Variants in TMEM117 observed in about 807,000 individuals in gnomAD.
The protein encoded by TMEM117 is transmembrane protein 117.
TMEM117 carries 27 observed loss-of-function variants against 52.4 expected under a neutral mutation model. That is an observed-to-expected ratio of 0.51 (90% CI 0.38 to 0.71). The LOEUF is 0.71. Among genes scored for constraint, TMEM117 ranks in the 30% least tolerant of loss-of-function variants. The pLI, the probability that TMEM117 is intolerant of heterozygous loss-of-function variation, is 0.00. For missense variants in TMEM117, 556 were observed against 630.5 expected (o/e 0.88, Z 1.26); for synonymous variants, 215 against 206.3 (o/e 1.04, Z -0.36).
chr12:44,134,260 C>T (rs1179476997), intron 3 of TMEM117, among the ~76,000 whole-genome samples: 2 of 152,170 alleles, frequency 1.3e-5, no homozygotes, highest in Non-Finnish European at 2.9e-5. Context: ...GTTGCCCAGG[C>T]TTGAGTGCAG....
the TMEM117 span, among the ~76,000 whole-genome samples, chr12:43,821,207 A>G: frequency 6.6e-6 from 1 of 152,214 alleles, no homozygotes. Flanking sequence ...GACTAAGCAA[A>G]TATTTTTTAA....
At chr12:43,890,678 T>TCCG (rs1592337482) in intron 2 of TMEM117, among the ~76,000 whole-genome samples, 1 of 152,042 alleles carries the variant, frequency 6.6e-6, no homozygotes, top group East Asian at 1.9e-4. Flanking sequence ...ATTACAGGCA[T>TCCG]CCGCCACCAC....
At chr12:44,322,169 C>G (rs961604833) in intron 6 of TMEM117, among the ~76,000 whole-genome samples, 3 of 152,196 alleles carry the variant, frequency 2.0e-5, no homozygotes, top group Admixed American at 6.5e-5. Flanking sequence ...CCAACCAGCT[C>G]TGTCCATGGA....
At chr12:44,219,418 G>C (rs1369254503) in intron 5 of TMEM117, among the ~76,000 whole-genome samples, 2 of 152,120 alleles carry the variant, frequency 1.3e-5, no homozygotes, top group Non-Finnish European at 2.9e-5. Context: ...AGAACATTCT[G>C]TGTAGTTTAA....
At chr12:44,013,105 C>T (rs890781247) in intron 3 of TMEM117, among the ~76,000 whole-genome samples, 5 of 151,850 alleles carry the variant, frequency 3.3e-5, no homozygotes, top group Admixed American at 6.6e-5. Flanking sequence ...GGCTTGCTGC[C>T]GCTGCCTTAA....
intron 4 of TMEM117, 131 bp from the exon 5 acceptor site, chr12:44,211,159 G>A (rs1199513394): frequency 6.1e-6 from 4 of 659,808 alleles, no homozygotes; most frequent in Non-Finnish European, 7.8e-6. Context: ...CCTAATTTTT[G>A]TTTCTGCATA....
At chr12:43,867,542 G>A (rs1943624574) in intron 2 of TMEM117, among the ~76,000 whole-genome samples, 1 of 152,114 alleles carries the variant, frequency 6.6e-6, no homozygotes, top group East Asian at 1.9e-4. Context: ...TTGTCAGACT[G>A]AATTTAAAAA....
intron 3 of TMEM117, among the ~76,000 whole-genome samples, chr12:43,962,234 C>A (rs1176661261): frequency 4.1e-4 from 63 of 152,268 alleles, no homozygotes. Context: ...AGAAGAGCAT[C>A]ACATTGGAAT....
At chr12:44,144,890 G>T (rs987473283) in intron 4 of TMEM117, among the ~76,000 whole-genome samples, 1 of 152,238 alleles carries the variant, frequency 6.6e-6, no homozygotes, top group African/African-American at 2.4e-5. Context: ...GGGCGCGGTG[G>T]CTCACGCCTG....
At chr12:44,286,496 G>GC (rs1950640848) in intron 5 of TMEM117, among the ~76,000 whole-genome samples, 1 of 152,056 alleles carries the variant, frequency 6.6e-6, no homozygotes, top group Non-Finnish European at 1.5e-5. Flanking sequence ...AAATGAGTCA[G>GC]CCCTTTGTGG....
chr12:44,274,935 A>G (rs894710787), intron 5 of TMEM117, among the ~76,000 whole-genome samples: 1 of 152,160 alleles, frequency 6.6e-6, no homozygotes, highest in Admixed American at 6.6e-5. Flanking sequence ...AAAGGCAACC[A>G]AAGGAAAAGT....
At chr12:44,168,636 T>C (rs1949002622) in intron 4 of TMEM117, among the ~76,000 whole-genome samples, 1 of 152,222 alleles carries the variant, frequency 6.6e-6, no homozygotes, top group African/African-American at 2.4e-5. Flanking sequence ...TTTTTTCATG[T>C]TATTTTCTTG....
intron 3 of TMEM117, 136 bp from the exon 4 acceptor site, chr12:44,143,389 T>A: frequency 1.9e-6 from 1 of 530,688 alleles, no homozygotes; most frequent in Non-Finnish European, 3.3e-6. Flanking sequence ...TCCAGATTTG[T>A]AAGCATATGT....
intron 3 of TMEM117, among the ~76,000 whole-genome samples, chr12:44,107,666 G>A (rs1947982660): frequency 6.6e-6 from 1 of 151,964 alleles, no homozygotes; most frequent in African/African-American, 2.4e-5. Flanking sequence ...ATATTTCAAT[G>A]GTATTTAATC....
At chr12:43,940,398 G>A (rs1945025176) in intron 2 of TMEM117, among the ~76,000 whole-genome samples, 1 of 152,142 alleles carries the variant, frequency 6.6e-6, no homozygotes, top group East Asian at 1.9e-4. Flanking sequence ...CTAGCAGTGA[G>A]GTAGAAAGGA....
At chr12:44,362,202 C>G (rs959301647) in intron 6 of TMEM117, among the ~76,000 whole-genome samples, 4 of 152,048 alleles carry the variant, frequency 2.6e-5, no homozygotes, top group Admixed American at 6.6e-5. Context: ...CCTGTCACTC[C>G]CACCAGACCT....
chr12:44,305,900 A>G (rs1950897191), intron 6 of TMEM117, among the ~76,000 whole-genome samples: 1 of 152,174 alleles, frequency 6.6e-6, no homozygotes, highest in Non-Finnish European at 1.5e-5. Flanking sequence ...TGGATCAGAT[A>G]AAGAAAATGT....
intron 2 of TMEM117, among the ~76,000 whole-genome samples, chr12:43,909,698 G>C (rs961733011): frequency 6.6e-6 from 1 of 151,826 alleles, no homozygotes; most frequent in Non-Finnish European, 1.5e-5. Flanking sequence ...AACTACCATC[G>C]GAGAATACTA....
At chr12:44,280,029 T>C (rs1224654755) in intron 5 of TMEM117, among the ~76,000 whole-genome samples, 13 of 152,208 alleles carry the variant, frequency 8.5e-5, no homozygotes, top group Admixed American at 7.9e-4. Context: ...TGTCTCTGAA[T>C]ACACCATAAA....
Sources: gnomAD v4.1 joint callset for allele counts (sites outside exome capture counted in the v4.1 genomes callset) on GRCh38, gnomAD v4.1.1 for gene constraint, MANE v1.5 for transcripts, NCBI Gene and HGNC (gene_info 2026-07-23, HGNC 2026-07-21) for gene names.